TXN: variants seen among roughly 807,000 people sequenced by gnomAD.
The protein encoded by TXN is ADF.
Under a neutral mutation model 16.5 loss-of-function variants are expected in TXN, and 10 were observed. That is an observed-to-expected ratio of 0.61 (90% confidence interval 0.37 to 1.03). The LOEUF (loss-of-function observed/expected upper bound fraction) is 1.03, where lower values mean the gene tolerates loss of function less well. TXN is among the 50% of genes least tolerant of loss of function. The pLI is 0.01. For missense variants in TXN, 71 were observed against 122.5 expected, an observed-to-expected ratio of 0.58 and a Z score of 1.98; for synonymous variants, 35 against 39.4, an observed-to-expected ratio of 0.89 and a Z score of 0.42.
At chr9:110,254,478 C>T (rs574210563) in intron 1 of TXN, among the ~76,000 whole-genome samples, 5 of 152,322 alleles carry the variant, frequency 3.3e-5, no homozygotes, top group African/African-American at 1.2e-4. Context: ...GCCGAGATCG[C>T]GCCACTGTAC....
In TXN at chr9:110,245,646, A is replaced by ATT. The variant is rs1268499168; in HGVS notation, c.190-804_190-803insAA. Among the ~76,000 whole-genome samples, 120 of 27,896 alleles carry ATT rather than the reference A, an allele frequency of 4.3e-3. 2 individuals are homozygous for ATT. The highest frequency in any genetic ancestry group is 5.9e-3 in the Non-Finnish European group (98 of 16,718). The allele number at this position is 27,896 out of a possible 152,430, so 18.3% of individuals were successfully genotyped here. A position where few individuals can be genotyped will look rare whatever the true frequency, so the allele number is the denominator to read the frequency against. On this transcript the variant is annotated intron_variant, in intron 3 of 4. Coordinates refer to ENST00000374517, the MANE Select transcript of TXN (RefSeq NM_003329.4). ...TATATATATATATATATATATATAT[A>ATT]TATATATATTTTTTTTTTTTTTTTT...
chr9:110,254,887 G>C (rs908405252), intron 1 of TXN, among the ~76,000 whole-genome samples: 5 of 152,262 alleles, frequency 3.3e-5, no homozygotes, highest in African/African-American at 7.2e-5. Flanking sequence ...CAGAATCCCA[G>C]CCCCACTCCC....
In TXN at chr9:110,256,294, G is replaced by A. The variant is rs1308102354; in HGVS notation, c.24+118C>T. The A allele has an allele frequency of 5.7e-6, 6 of 1,054,508 alleles. No individual in the cohort carries two copies. The highest frequency in any genetic ancestry group is 8.4e-6 in the Non-Finnish European group (6 of 715,300). 65.3% of individuals were successfully genotyped at this position (1,054,508 alleles called of 1,614,324 possible). A position where few individuals can be genotyped will look rare whatever the true frequency, so the allele number is the denominator to read the frequency against. On this transcript the variant is annotated intron_variant, in intron 1 of 4. Transcript: ENST00000374517. The surrounding 1 kb of genome is among the most constrained non-coding windows in gnomAD (Gnocchi z 4.2). ...CGCCGCGTCCCTTTCCCCTGGCGAT[G>A]CGGAGGGGCGGCCTCCGCACCTCCC... is the stretch of plus-strand genomic sequence containing the variant.
chr9:110,245,032 T>G, intron 3 of TXN, 189 bp from the exon 4 acceptor site: 2 of 402,636 alleles, frequency 5.0e-6, no homozygotes, highest in Non-Finnish European at 4.5e-6. Context: ...ACCGGTTATA[T>G]TCTCAATGAA....
chr9:110,253,007 C>T (rs2118580037), intron 1 of TXN, among the ~76,000 whole-genome samples: 1 of 151,988 alleles, frequency 6.6e-6, no homozygotes, highest in East Asian at 1.9e-4. Flanking sequence ...ACATCTGTAT[C>T]TGAAATCTAG....
At position 110,245,654 on chromosome 9, in the gene TXN, A is replaced by ATATATAT. The variant is rs1232332404; in HGVS notation, c.190-812_190-811insATATATA. Among the ~76,000 whole-genome samples, 34 of 21,782 alleles carry ATATATAT rather than the reference A, an allele frequency of 1.6e-3. 1 individual carries two copies. Among genetic ancestry groups the ATATATAT allele is most frequent in the South Asian group, 7.3e-3 (3 of 412 alleles). The allele number at this position is 21,782 out of a possible 152,430, so 14.3% of individuals were successfully genotyped here. A position where few individuals can be genotyped will look rare whatever the true frequency, so the allele number is the denominator to read the frequency against. On this transcript the variant is annotated intron_variant, in intron 3 of 4. Transcript: ENST00000374517. ...TATATATATATATATATATATATAT[A>ATATATAT]TTTTTTTTTTTTTTTTTTTATAGGG...
chr9:110,253,912 GGGGT>G (rs1837773146), intron 1 of TXN, among the ~76,000 whole-genome samples: 2 of 152,146 alleles, frequency 1.3e-5, no homozygotes, highest in South Asian at 4.1e-4. Flanking sequence ...CAGTGTAGTT[GGGGT>G]AAATAGGAGC....
intron 2 of TXN, 60 bp downstream of exon 2, chr9:110,251,298 T>C (rs745670693): frequency 7.9e-7 from 1 of 1,268,194 alleles, no homozygotes; most frequent in Non-Finnish European, 1.2e-6. Flanking sequence ...TTCCTACCAC[T>C]GTGACCACCA....
chr9:110,255,162 C>A (rs1186603035), intron 1 of TXN, among the ~76,000 whole-genome samples: 1 of 152,220 alleles, frequency 6.6e-6, no homozygotes, highest in South Asian at 2.1e-4. Flanking sequence ...GAAGCCCACC[C>A]GGCACCAAAC....
Position 110,256,386 on chromosome 9 carries a change from C to T in TXN, c.24+26G>A. 6.2e-7 allele frequency: 1 copy of T among 1,602,278 alleles called. No homozygotes were observed. Among genetic ancestry groups the T allele is most frequent in the South Asian group, 1.1e-5 (1 of 89,212 alleles). ...ACAGAGGCCGCGCGCGGCGCCGGCA[C>T]CCTGGCCTTCCCCGGTAGCGCGTAC... On this transcript the variant is annotated intron_variant, in intron 1 of 4. Transcript: ENST00000374517. This position sits in a 1 kb window ranked among gnomAD's most constrained non-coding sequence, Gnocchi z 4.2.
intron 3 of TXN, 114 bp downstream of exon 3, chr9:110,250,706 T>C (rs1202016359): frequency 2.3e-6 from 2 of 882,572 alleles, no homozygotes; most frequent in South Asian, 1.6e-5. Context: ...ACTTTTTAGA[T>C]AGGATTACAG....
At chr9:110,250,722 G>A (rs1837722151) in intron 3 of TXN, 98 bp downstream of exon 3, 7 of 993,220 alleles carry the variant, frequency 7.0e-6, no homozygotes, top group Middle Eastern at 2.1e-4. Flanking sequence ...TACAGTTCTA[G>A]AATTATTTGA....
At chr9:110,248,760 G>T (rs559857885) in intron 3 of TXN, among the ~76,000 whole-genome samples, 3 of 152,014 alleles carry the variant, frequency 2.0e-5, no homozygotes, top group Non-Finnish European at 1.5e-5. Context: ...TATAGTTATC[G>T]TGAGGATTAA....
In TXN at chr9:110,244,052, G is replaced by A. The variant is rs1200578480; in HGVS notation, c.*105C>T. 4 of 486,900 alleles carry A rather than the reference G, an allele frequency of 8.2e-6. No individual in the cohort carries two copies. The highest frequency in any genetic ancestry group is 4.4e-5 in the Admixed American group (1 of 22,770). 30.2% of individuals were successfully genotyped at this position (486,900 alleles called of 1,614,324 possible). A position where few individuals can be genotyped will look rare whatever the true frequency, so the allele number is the denominator to read the frequency against. On this transcript the variant is annotated 3_prime_UTR_variant, in exon 5 of 5. Coordinates refer to ENST00000374517, the MANE Select transcript of TXN (RefSeq NM_003329.4). ...GTTAGCATTAATGTTTTATTGTCAC[G>A]CAGATGGCAACTGGGTTTATGTCTT...
chr9:110,256,354 C>T lies in TXN; in HGVS notation c.24+58G>A, dbSNP rs1213515077. 3 of 1,574,518 alleles carry T rather than the reference C, an allele frequency of 1.9e-6. No individual in the cohort carries two copies. In the African/African-American group the frequency reaches 4.1e-5, roughly 21 times the overall value. On this transcript the variant is annotated intron_variant, in intron 1 of 4. Transcript: ENST00000374517. This position sits in a 1 kb window ranked among gnomAD's most constrained non-coding sequence, Gnocchi z 4.2. ...TTCCCCACCTCCCGCCACCGCCTTC[C>T]CCAGTTACAGAGGCCGCGCGCGGCG...
chr9:110,244,903 G>A, intron 3 of TXN, 60 bp from the exon 4 acceptor site: 1 of 1,425,528 alleles, frequency 7.0e-7, no homozygotes, highest in African/African-American at 1.4e-5. Context: ...ACTGAGCTTT[G>A]ACAGAAGTAA....
In TXN at chr9:110,256,067, A is replaced by G. The variant is rs777702984; in HGVS notation, c.24+345T>C. Among the ~76,000 whole-genome samples, 2 of 151,236 alleles carry G rather than the reference A, an allele frequency of 1.3e-5. No individual in the cohort carries two copies. Among genetic ancestry groups the G allele is most frequent in the African/African-American group, 2.4e-5 (1 of 41,110 alleles). On this transcript the variant is annotated intron_variant, in intron 1 of 4. Coordinates refer to ENST00000374517, the MANE Select transcript of TXN (RefSeq NM_003329.4). The surrounding 1 kb of genome is among the most constrained non-coding windows in gnomAD (Gnocchi z 4.2). ...AGGGTGCAGGAGGCGCAGCGTGGGG[A>G]CTCCTCACGCTGTCTGCGCTCTCAC...
At chr9:110,245,673 T>TA (rs1837649616) in intron 3 of TXN, among the ~76,000 whole-genome samples, 1 of 127,386 alleles carries the variant, frequency 7.9e-6, no homozygotes, top group African/African-American at 2.9e-5. Flanking sequence ...TTTTTTTTTT[T>TA]ATAGGGACAA....
At chr9:110,245,623 T>C (rs1255143106) in intron 3 of TXN, among the ~76,000 whole-genome samples, 275 of 18,976 alleles carry the variant, frequency 0.014, 12 homozygotes, top group East Asian at 0.13. Flanking sequence ...ACACACTATA[T>C]ATATATATAT....
Sources: allele counts gnomAD v4.1 joint callset (sites outside exome capture counted in the v4.1 genomes callset), GRCh38; gene constraint gnomAD v4.1.1; non-coding constraint Gnocchi (gnomAD v3.1); transcripts MANE v1.5; gene names NCBI Gene and HGNC (gene_info 2026-07-23, HGNC 2026-07-21).